BAAT: variants seen among roughly 807,000 people sequenced by gnomAD.
BAAT encodes the protein bile acid CoA: amino acid N-acyltransferase (glycine N-choloyltransferase).
In BAAT, 13 loss-of-function variants were observed where a neutral mutation model predicts 18.9. That is an observed-to-expected ratio of 0.69 (90% CI 0.45 to 1.10). The LOEUF is 1.10. BAAT is among the 50% of genes least tolerant of loss of function. BAAT has a pLI of 0.00. For missense variants in BAAT, 489 were observed against 504.0 expected, an observed-to-expected ratio of 0.97 and a Z score of 0.28; for synonymous variants, 170 against 190.7, an observed-to-expected ratio of 0.89 and a Z score of 0.89.
In BAAT at chr9:101,367,840, T is replaced by C. The variant is rs545155276; in HGVS notation, c.669+280A>G. Among the ~76,000 whole-genome samples the C allele has an allele frequency of 7.2e-5, 11 of 152,320 alleles. No homozygotes were observed. In the East Asian group the frequency reaches 2.1e-3, roughly 29 times the overall value. ...CCTATGACTTCTCTTAACTTCCAAG[T>C]ACGATTCTCAGTGAACTTGAAATTC... On this transcript the variant is annotated intron_variant, in intron 3 of 3. Transcript: ENST00000259407.
Position 101,362,971 on chromosome 9 carries a change from T to C in BAAT, c.714A>G (p.Val238=). The C allele has an allele frequency of 6.2e-7, 1 of 1,614,074 alleles. No homozygotes were observed. The highest frequency in any genetic ancestry group is 8.5e-7 in the Non-Finnish European group (1 of 1,179,992). ...AAATAGCCATAGATAGTCCAATCTG[T>C]ACTCCTTGACATACAGAGACTACCC... ...GVGVVSVCQG[V]QIGLSMAIYL... is the part of the protein sequence containing the mutation. Residue 238 remains valine (V), a synonymous_variant, in exon 4 of 4, where the codon GTA becomes GTG. Transcript: ENST00000259407.
chr9:101,380,917 C>T lies in BAAT; in HGVS notation c.-60+3938G>A, dbSNP rs369323421. On this transcript the variant is annotated intron_variant, in intron 1 of 3. Transcript: ENST00000259407. ...ACAGGCACCCACCACCATGCCTGGC[C>T]AATTTTTTTGTGTTTTTTTAGTAGA... Among the ~76,000 whole-genome samples, 12 of 151,486 alleles carry T rather than the reference C, an allele frequency of 7.9e-5. No individual in the cohort carries two copies. The East Asian group carries it at 1.8e-3, about 22-fold the overall frequency.
intron 1 of BAAT, among the ~76,000 whole-genome samples, chr9:101,377,833 C>T (rs1256971611): frequency 1.3e-5 from 2 of 152,166 alleles, no homozygotes; most frequent in African/African-American, 4.8e-5. Flanking sequence ...TTGCAGATGA[C>T]ATGATTCTAT....
chr9:101,371,379 A>G lies in BAAT; in HGVS notation c.26T>C (p.Val9Ala). The G allele has an allele frequency of 1.2e-6, 2 of 1,612,332 alleles. No homozygotes were observed. Among genetic ancestry groups the G allele is most frequent in the African/African-American group, 1.3e-5 (1 of 75,040 alleles). MIQLTATP[V>A]SALVDEPVHI... ...CACTGGCTCATCAACAAGTGCACTC[A>G]CAGGGGTAGCTGTCAACTGGATCAT... is the stretch of plus-strand genomic sequence containing the variant. The change falls in exon 2 of 4, where the codon GTG (valine) becomes GCG (alanine). Residue 9 changes from valine to alanine, a missense_variant. Transcript: ENST00000259407.
chr9:101,371,246 A>T lies in BAAT; in HGVS notation c.159T>A (p.Asn53Lys). 1 of 1,613,194 alleles carries T rather than the reference A, an allele frequency of 6.2e-7. No individual in the cohort carries two copies. The highest frequency in any genetic ancestry group is 8.5e-7 in the Non-Finnish European group (1 of 1,179,268). Residue 53 changes from asparagine (N) to lysine (K), a missense_variant, in exon 2 of 4, where the codon AAT (asparagine) becomes AAA (lysine). By Grantham distance (94) the Asn-to-Lys change is moderately conservative. Transcript: ENST00000259407. ...GATTCAGGTCCACCTCACCGAATTC[A>T]TTGGCCCTATAGTGGGCTTGAGAAT... ...MFYSQAHYRANEFGEVDLNHA... is the reference protein window; with the variant it reads ...MFYSQAHYRAKEFGEVDLNHA...
At chr9:101,376,026 G>T (rs1337050072) in intron 1 of BAAT, 3 of 155,128 alleles carry the variant, frequency 1.9e-5, no homozygotes, top group African/African-American at 7.2e-5. Flanking sequence ...TGTTCAACTG[G>T]GTCTGAACCT....
intron 1 of BAAT, among the ~76,000 whole-genome samples, chr9:101,372,276 C>T (rs181787287): frequency 1.0e-4 from 13 of 129,904 alleles, no homozygotes; most frequent in East Asian, 2.2e-4. Flanking sequence ...CATATACCCC[C>T]GATCCTAAAA....
Position 101,362,621 on chromosome 9 carries a change from A to G in BAAT, c.1064T>C (p.Leu355Pro), listed in dbSNP as rs1217895067. Residue 355 changes from leucine to proline, a missense_variant, in exon 4 of 4, where the codon CTA becomes CCA. Coordinates refer to ENST00000259407, the MANE Select transcript of BAAT (RefSeq NM_001701.4). ...KRHGKNNWTLLSYPGAGHLIE... is the reference protein window; with the variant it reads ...KRHGKNNWTLPSYPGAGHLIE... ...CAGGTGGCCTGCCCCAGGGTAAGAT[A>G]GCAGGGTCCAGTTGTTCTTCCCATG... is the stretch of plus-strand genomic sequence containing the variant. 6.2e-7 allele frequency: 1 copy of G among 1,614,170 alleles called. No individual in the cohort carries two copies. Among genetic ancestry groups the G allele is most frequent in the Non-Finnish European group, 8.5e-7 (1 of 1,180,034 alleles).
Position 101,362,128 on chromosome 9 carries a change from T to C in BAAT, c.*300A>G. The stretch of plus-strand genomic sequence containing the variant: ...TACTTTGGTGCTATTCTTGTTTGCC[T>C]TTTCTTATTTTTGCCAGTGTACTAT... On this transcript the variant is annotated 3_prime_UTR_variant, in exon 4 of 4. Transcript: ENST00000259407. 2.1e-6 allele frequency: 1 copy of C among 471,238 alleles called. No homozygotes were observed. Among genetic ancestry groups the C allele is most frequent in the South Asian group, 2.5e-5 (1 of 39,422 alleles). The allele number at this position is 471,238 out of a possible 1,614,324, so 29.2% of individuals were successfully genotyped here. A position where few individuals can be genotyped will look rare whatever the true frequency, so the allele number is the denominator to read the frequency against.
At chr9:101,384,802 G>A (rs980039097) in intron 1 of BAAT, among the ~76,000 whole-genome samples, 53 bp downstream of exon 1, 2 of 151,978 alleles carry the variant, frequency 1.3e-5, no homozygotes, top group African/African-American at 4.8e-5. Context: ...TCTGGATTGT[G>A]GTGAAAAATT....
intron 3 of BAAT, among the ~76,000 whole-genome samples, chr9:101,365,988 T>A (rs943114922): frequency 1.3e-5 from 2 of 152,178 alleles, no homozygotes; most frequent in Non-Finnish European, 2.9e-5. Context: ...GTAAGAACAT[T>A]TAAAATCTAA....
intron 1 of BAAT, among the ~76,000 whole-genome samples, chr9:101,382,860 C>A (rs75695134): frequency 0.012 from 1,858 of 152,264 alleles, 41 homozygotes; most frequent in African/African-American, 0.042. Context: ...TTAACTTTAG[C>A]TCAAACTTAT....
chr9:101,369,171 CTTTTA>C (rs780562561), intron 2 of BAAT, among the ~76,000 whole-genome samples: 4 of 152,054 alleles, frequency 2.6e-5, no homozygotes, highest in Non-Finnish European at 4.4e-5. Flanking sequence ...ATATTCTATT[CTTTTA>C]TAAGTGGTTT....
intron 1 of BAAT, among the ~76,000 whole-genome samples, 117 bp downstream of exon 1, chr9:101,384,738 G>A (rs1311030464): frequency 1.3e-5 from 2 of 152,064 alleles, no homozygotes. Flanking sequence ...AAAACTATAG[G>A]CCACATTTTT....
At position 101,371,140 on chromosome 9, in the gene BAAT, T is replaced by A. The variant is rs748917000; in HGVS notation, c.265A>T (p.Thr89Ser). 1.9e-6 allele frequency: 3 copies of A among 1,614,156 alleles called. No homozygotes were observed. In the East Asian group the frequency reaches 6.7e-5, roughly 36 times the overall value. The change falls in exon 2 of 4, where the codon ACA (threonine) becomes TCA (serine). Residue 89 changes from threonine to serine, a missense_variant. Physicochemically the swap from Thr to Ser is moderately conservative, Grantham distance 58. Coordinates refer to ENST00000259407, the MANE Select transcript of BAAT (RefSeq NM_001701.4). ...FWSLKPEKLL[T>S]RLLKRDVMNR... is the part of the protein sequence containing the mutation. ...ATCACATCTCTTTTCAACAGTCTTG[T>A]TAATAGCTTTTCAGGTTTCAGAGAC...
At chr9:101,375,923 C>G (rs921190072) in intron 1 of BAAT, 3 of 152,558 alleles carry the variant, frequency 2.0e-5, no homozygotes, top group Non-Finnish European at 4.4e-5. Context: ...GGACAAGGAC[C>G]ACATCTTTAG....
In BAAT at chr9:101,360,912, TAC is replaced by T. The variant is rs1438925000; in HGVS notation, c.*1514_*1515del. On this transcript the variant is annotated 3_prime_UTR_variant, in exon 4 of 4. Coordinates refer to ENST00000259407, the MANE Select transcript of BAAT (RefSeq NM_001701.4). ...GTGAGATCATTTAGCTGTGACTTTT[TAC>T]ACTTGGAGAAAACATGTAAGAAAAC... The T allele has an allele frequency of 6.4e-6, 1 of 157,344 alleles. No individual in the cohort carries two copies. Among genetic ancestry groups the T allele is most frequent in the East Asian group, 1.9e-4 (1 of 5,248 alleles). 9.7% of individuals were successfully genotyped at this position (157,344 alleles called of 1,614,324 possible). A position where few individuals can be genotyped will look rare whatever the true frequency, so the allele number is the denominator to read the frequency against.
chr9:101,371,247 T>G lies in BAAT; in HGVS notation c.158A>C (p.Asn53Thr), dbSNP rs568238049. The G allele has an allele frequency of 6.2e-7, 1 of 1,613,082 alleles. No individual in the cohort carries two copies. The change falls in exon 2 of 4, where the codon AAT (asparagine) becomes ACT (threonine). Residue 53 changes from asparagine (N) to threonine (T), a missense_variant. Physicochemically the swap from Asn to Thr is moderately conservative, Grantham distance 65. Transcript: ENST00000259407. The part of the protein sequence containing the change: ...MFYSQAHYRA[N>T]EFGEVDLNHA... Reference sequence around the variant, plus strand: ...ATTCAGGTCCACCTCACCGAATTCATTGGCCCTATAGTGGGCTTGAGAATA... The same window carrying G: ...ATTCAGGTCCACCTCACCGAATTCAGTGGCCCTATAGTGGGCTTGAGAATA...
At chr9:101,380,137 A>C (rs1279655981) in intron 1 of BAAT, among the ~76,000 whole-genome samples, 1 of 128,760 alleles carries the variant, frequency 7.8e-6, no homozygotes, top group South Asian at 2.8e-4. Flanking sequence ...GGTTATAGCA[A>C]CTCCATCTTG....
Sources: allele counts gnomAD v4.1 joint callset (sites outside exome capture counted in the v4.1 genomes callset), GRCh38; gene constraint gnomAD v4.1.1; transcripts MANE v1.5; gene names NCBI Gene and HGNC (gene_info 2026-07-23, HGNC 2026-07-21).